GPRIN2: variants seen among roughly 807,000 people sequenced by gnomAD.
The protein encoded by GPRIN2 is G protein-regulated inducer of neurite outgrowth 2.
Under a neutral mutation model 0.3 loss-of-function variants are expected in GPRIN2, and 1 was observed. That is an observed-to-expected ratio of 3.90 (90% CI 1.39 to 18.51). GPRIN2 has a LOEUF of 18.51. Ranked by LOEUF, GPRIN2 falls within the 30% of genes most tolerant of loss-of-function variation. The pLI is 0.11. For synonymous variants in GPRIN2, 361 were observed against 258.6 expected, an observed-to-expected ratio of 1.40 and a Z score of -3.80; for missense variants, 880 against 604.2, an observed-to-expected ratio of 1.46 and a Z score of -4.79.
chr10:46,551,344 C>T, intron 2 of GPRIN2: 1 of 971,764 alleles, frequency 1.0e-6, no homozygotes, highest in Non-Finnish European at 1.2e-6. Flanking sequence ...CCCTGGGCTT[C>T]CACAACCACC....
At position 46,547,079 on chromosome 10, in the gene GPRIN2, G is replaced by A. The variant is rs1687265709; in HGVS notation, c.*2281C>T. On this transcript the variant is annotated 3_prime_UTR_variant, in exon 3 of 3. Transcript: ENST00000374314. ...TCCCAGCCAAACCCTGTGGCAGGTG[G>A]CCCTTTCTGCACCTGCTGAACATGC... Among the ~76,000 whole-genome samples the A allele has an allele frequency of 6.6e-6, 1 of 152,308 alleles. No individual in the cohort carries two copies. The highest frequency in any genetic ancestry group is 1.5e-5 in the Non-Finnish European group (1 of 68,056).
chr10:46,557,088 G>A (rs1486076466), upstream of GPRIN2, among the ~76,000 whole-genome samples: 6 of 151,394 alleles, frequency 4.0e-5, no homozygotes, highest in East Asian at 1.2e-3. Flanking sequence ...CGCGCCGGCG[G>A]CTACCCCTTT....
chr10:46,550,648 C>T lies in GPRIN2; in HGVS notation c.89G>A (p.Gly30Asp). The T allele has an allele frequency of 1.3e-6, 2 of 1,564,310 alleles. No homozygotes were observed. Among genetic ancestry groups the T allele is most frequent in the South Asian group, 1.2e-5 (1 of 81,858 alleles). ...PLSQSSSSLL[G>D]EGREQRPELR... ...CTCTGGCCTCTGTTCCCGGCCTTCA[C>T]CCAGCAGGCTGGAAGAGCTCTGGGA... The change falls in exon 3 of 3, where the codon GGT (glycine) becomes GAT (aspartate). Residue 30 changes from glycine to aspartate, a missense_variant. By Grantham distance (94) the Gly-to-Asp change is moderately conservative. Transcript: ENST00000374314.
In GPRIN2 at chr10:46,549,465, G is replaced by A. The variant is rs1832710680; in HGVS notation, c.1272C>T (p.Ser424=). 113 of 1,609,674 alleles carry A rather than the reference G, an allele frequency of 7.0e-5. No homozygotes were observed. Among genetic ancestry groups the A allele is most frequent in the Non-Finnish European group, 8.7e-5 (102 of 1,177,932 alleles). ...QFEQLQRAPA[S]EDSLSVEGRR... ...GGCCCTCCACAGACAGGCTGTCCTC[G>A]CTGGCGGGCGCCCGCTGCAGCTGCT... Residue 424 remains serine, a synonymous_variant, in exon 3 of 3, where the codon AGC becomes AGT. Transcript: ENST00000374314.
chr10:46,543,689 G>T lies in GPRIN2; in HGVS notation c.*5671C>A, dbSNP rs1208502809. The stretch of plus-strand genomic sequence containing the variant: ...CTGCCCTGAGCCCCAGATGTCAATG[G>T]ACATATTCCCACAATTTTCACATTC... On this transcript the variant is annotated 3_prime_UTR_variant, in exon 3 of 3. Transcript: ENST00000374314. Among the ~76,000 whole-genome samples, 1 of 152,306 alleles carries T rather than the reference G, an allele frequency of 6.6e-6. No homozygotes were observed. Among genetic ancestry groups the T allele is most frequent in the East Asian group, 1.9e-4 (1 of 5,208 alleles).
intron 1 of GPRIN2, among the ~76,000 whole-genome samples, chr10:46,555,773 C>T (rs1843133653): frequency 6.6e-6 from 1 of 152,306 alleles, no homozygotes; most frequent in South Asian, 2.1e-4. Context: ...GAGGGTGCCC[C>T]GGCCTAGAAG....
chr10:46,554,154 A>G (rs1034512818), intron 2 of GPRIN2, among the ~76,000 whole-genome samples: 32 of 152,372 alleles, frequency 2.1e-4, no homozygotes, highest in Non-Finnish European at 3.2e-4. Context: ...AGTGTTTGTT[A>G]ACAATAATCT....
rs1832834436 is a variant in GPRIN2 at position 46,547,781 on chromosome 10, C to T, written c.*1579G>A. On this transcript the variant is annotated 3_prime_UTR_variant, in exon 3 of 3. Transcript: ENST00000374314. ...TGCCCTGGCACCATACACAAAGGGA[C>T]TGACAGCCCCAGAATCCCAAGGGGT... Among the ~76,000 whole-genome samples the T allele has an allele frequency of 7.9e-4, 121 of 152,336 alleles. No individual in the cohort carries two copies. The highest frequency in any genetic ancestry group is 1.5e-3 in the Non-Finnish European group (104 of 67,972).
chr10:46,553,215 C>A (rs565823868), intron 2 of GPRIN2, among the ~76,000 whole-genome samples: 1 of 152,312 alleles, frequency 6.6e-6, no homozygotes, highest in Non-Finnish European at 1.5e-5. Context: ...GCCTATGCCT[C>A]GCAGCTCTCA....
Position 46,544,859 on chromosome 10 carries a change from T to C in GPRIN2, c.*4501A>G, listed in dbSNP as rs1421186837. ...CAGACTTAAACTAATTTGCCCATGA[T>C]GACCGTGTGGATTTGGAGGGACCTG... On this transcript the variant is annotated 3_prime_UTR_variant, in exon 3 of 3. Coordinates refer to ENST00000374314, the MANE Select transcript of GPRIN2 (RefSeq NM_001385282.1). 5.3e-5 allele frequency among the ~76,000 whole-genome samples: 8 copies of C among 152,306 alleles called. No individual in the cohort carries two copies. Among genetic ancestry groups the C allele is most frequent in the African/African-American group, 1.9e-4 (8 of 41,486 alleles).
chr10:46,554,754 A>C (rs1460773666), intron 1 of GPRIN2, 59 bp from the exon 2 acceptor site: 1 of 154,104 alleles, frequency 6.5e-6, no homozygotes, highest in Non-Finnish European at 1.4e-5. Flanking sequence ...AAAAGCCCCC[A>C]GTTCTCAGAC....
chr10:46,551,267 T>A, intron 2 of GPRIN2: 1 of 432,692 alleles, frequency 2.3e-6, no homozygotes. Flanking sequence ...GTCTCCTTGG[T>A]ACAGAGTGGG....
chr10:46,557,335 G>C (rs1843355764), upstream of GPRIN2, among the ~76,000 whole-genome samples: 1 of 152,300 alleles, frequency 6.6e-6, no homozygotes, highest in Admixed American at 6.5e-5. Flanking sequence ...ATCCTGGCCT[G>C]GCCTGGCCCC....
chr10:46,543,204 GAC>G lies in GPRIN2; in HGVS notation c.*6154_*6155del, dbSNP rs1373032146. ...TGTAAATCACAAATGCCAAGACCCA[GAC>G]ACAGCCACAGCTGGGGGCCTGGTGG... On this transcript the variant is annotated 3_prime_UTR_variant, in exon 3 of 3. Coordinates refer to ENST00000374314, the MANE Select transcript of GPRIN2 (RefSeq NM_001385282.1). 1.1e-4 allele frequency among the ~76,000 whole-genome samples: 16 copies of G among 152,298 alleles called. No individual in the cohort carries two copies. Among genetic ancestry groups the G allele is most frequent in the Admixed American group, 9.2e-4 (14 of 15,282 alleles).
Position 46,550,142 on chromosome 10 carries a change from G to A in GPRIN2, c.595C>T (p.Leu199=), listed in dbSNP as rs1832467711. The change falls in exon 3 of 3, where the codon CTA becomes TTA. Residue 199 remains leucine (L), a synonymous_variant. Coordinates refer to ENST00000374314, the MANE Select transcript of GPRIN2 (RefSeq NM_001385282.1). ...TGGGCAGTTGTGTCCCCCAGGTCTA[G>A]TGGTGGCACTGACAACTGACTCGCC... is the stretch of plus-strand genomic sequence containing the variant. ...LGASQLSVPP[L]DLGDTTAHSS... 4 of 1,603,838 alleles carry A rather than the reference G, an allele frequency of 2.5e-6. No homozygotes were observed. Among genetic ancestry groups the A allele is most frequent in the Admixed American group, 3.4e-5 (2 of 59,640 alleles).
In GPRIN2 at chr10:46,550,663, G is replaced by A. The variant is rs1832288918; in HGVS notation, c.74C>T (p.Ser25Phe). Residue 25 changes from serine to phenylalanine, a missense_variant, in exon 3 of 3, where the codon TCT (serine) becomes TTT (phenylalanine). Physicochemically the swap from Ser to Phe is radical, Grantham distance 155 (BLOSUM62 -2). Transcript: ENST00000374314. ...SPRLQPLSQS[S>F]SSLLGEGREQ... is the part of the protein sequence containing the mutation. ...CCGGCCTTCACCCAGCAGGCTGGAA[G>A]AGCTCTGGGACAGGGGCTGAAGGCG... 15 of 1,545,918 alleles carry A rather than the reference G, an allele frequency of 9.7e-6. No individual in the cohort carries two copies. Among genetic ancestry groups the A allele is most frequent in the Middle Eastern group, 3.5e-4 (2 of 5,794 alleles).
At position 46,549,915 on chromosome 10, in the gene GPRIN2, A is replaced by G. The variant is rs1555018432; in HGVS notation, c.822T>C (p.His274=). 1.2e-6 allele frequency: 2 copies of G among 1,614,168 alleles called. No homozygotes were observed. The highest frequency in any genetic ancestry group is 2.2e-5 in the East Asian group (1 of 44,906). Residue 274 remains histidine, a synonymous_variant, in exon 3 of 3, where the codon CAT becomes CAC. Coordinates refer to ENST00000374314, the MANE Select transcript of GPRIN2 (RefSeq NM_001385282.1). ...ACAACCTACAGTGGATCTTCACCCCATGCTGAGCCTGCAGCCCAGACTCGC... is the reference window on the plus strand; with the variant it reads ...ACAACCTACAGTGGATCTTCACCCCGTGCTGAGCCTGCAGCCCAGACTCGC... ...SVSESGLQAQ[H]GVKIHCRLSG...
In GPRIN2 at chr10:46,545,229, A is replaced by C. The variant is rs1832955166; in HGVS notation, c.*4131T>G. Reference sequence around the variant, plus strand: ...TGACTCCCTCTGGTGGTTTCTGTGCACAACTTCCCCCAAAATAGGCCCTAC... The same window carrying C: ...TGACTCCCTCTGGTGGTTTCTGTGCCCAACTTCCCCCAAAATAGGCCCTAC... On this transcript the variant is annotated 3_prime_UTR_variant, in exon 3 of 3. Coordinates refer to ENST00000374314, the MANE Select transcript of GPRIN2 (RefSeq NM_001385282.1). Among the ~76,000 whole-genome samples the C allele has an allele frequency of 6.6e-6, 1 of 152,420 alleles. No individual in the cohort carries two copies. Among genetic ancestry groups the C allele is most frequent in the African/African-American group, 2.4e-5 (1 of 41,610 alleles).
rs1842028126 is a variant in GPRIN2 at position 46,544,974 on chromosome 10, T to C, written c.*4386A>G. Among the ~76,000 whole-genome samples the C allele has an allele frequency of 6.6e-6, 1 of 152,300 alleles. No individual in the cohort carries two copies. Among genetic ancestry groups the C allele is most frequent in the South Asian group, 2.1e-4 (1 of 4,836 alleles). On this transcript the variant is annotated 3_prime_UTR_variant, in exon 3 of 3. Transcript: ENST00000374314. Reference sequence around the variant, plus strand: ...GCCTGACAAGTTGGATGAAAACTGATAAAGGACTTGTCATAGCTTCAGATG... The same window carrying C: ...GCCTGACAAGTTGGATGAAAACTGACAAAGGACTTGTCATAGCTTCAGATG...
Sources: gnomAD v4.1 joint callset for allele counts (sites outside exome capture counted in the v4.1 genomes callset) on GRCh38, gnomAD v4.1.1 for gene constraint, MANE v1.5 for transcripts, NCBI Gene and HGNC (gene_info 2026-07-23, HGNC 2026-07-21) for gene names.